The following ITK variants were observed in gnomAD, a reference collection of about 807,000 sequenced individuals.
The protein encoded by ITK is tyrosine-protein kinase ITK/TSK.
Under a neutral mutation model 87.6 loss-of-function variants are expected in ITK, and 45 were observed. The observed-to-expected ratio is 0.51, with a 90% confidence interval of 0.40 to 0.66. The LOEUF is 0.66. ITK is among the 30% of genes least tolerant of loss of function. ITK has a pLI of 0.00. For missense variants in ITK, 605 were observed against 766.3 expected (o/e 0.79, Z 2.48); for synonymous variants, 303 against 273.6 (o/e 1.11, Z -1.06).
chr5:157,240,080 A>C lies in ITK; in HGVS notation c.870A>C (p.Ile290=), dbSNP rs1486925447. The change falls in exon 10 of 17, where the codon ATA becomes ATC. Residue 290 remains isoleucine (I), a synonymous_variant. Transcript: ENST00000422843. ...GTTTAAGTGAGAACAATCCCTGTAT[A>C]AAGCATTATCACATCAAGGAAACAA... ...KAVVSENNPC[I]KHYHIKETND... 6.2e-7 allele frequency: 1 copy of C among 1,611,482 alleles called. No homozygotes were observed. The highest frequency in any genetic ancestry group is 1.1e-5 in the South Asian group (1 of 91,040).
chr5:157,230,418 G>A (rs372499023), intron 7 of ITK, among the ~76,000 whole-genome samples: 1 of 152,110 alleles, frequency 6.6e-6, no homozygotes, highest in Non-Finnish European at 1.5e-5. Flanking sequence ...ACCTATTAAC[G>A]CATTAGGGTT....
intron 13 of ITK, chr5:157,245,507 T>C (rs1755002918): frequency 1.6e-6 from 1 of 613,778 alleles, no homozygotes; most frequent in East Asian, 2.8e-5. Flanking sequence ...AGAATGAAGA[T>C]AAACTTACTC....
intron 5 of ITK, among the ~76,000 whole-genome samples, chr5:157,222,033 A>G (rs1323449832): frequency 1.3e-5 from 2 of 152,030 alleles, no homozygotes; most frequent in Non-Finnish European, 2.9e-5. Flanking sequence ...GACATACTAC[A>G]TCAAAATGAC....
At chr5:157,248,468 T>C (rs1161145139) in intron 15 of ITK, among the ~76,000 whole-genome samples, 1 of 152,124 alleles carries the variant, frequency 6.6e-6, no homozygotes, top group Non-Finnish European at 1.5e-5. Context: ...TTGGTTGGAG[T>C]CAAATCATAG....
chr5:157,185,971 T>C (rs1392092994), intron 1 of ITK, among the ~76,000 whole-genome samples: 4 of 152,148 alleles, frequency 2.6e-5, no homozygotes, highest in Admixed American at 1.3e-4. Context: ...TCCAACACTG[T>C]GCAAAAATGT....
At position 157,254,907 on chromosome 5, in the gene ITK, T is replaced by C. The variant is rs1755220813; in HGVS notation, c.*2229T>C. The C allele has an allele frequency of 4.7e-6, 1 of 214,992 alleles. No individual in the cohort carries two copies. The highest frequency in any genetic ancestry group is 5.8e-5 in the Admixed American group (1 of 17,136). The allele number at this position is 214,992 out of a possible 1,614,324, so 13.3% of individuals were successfully genotyped here. On this transcript the variant is annotated 3_prime_UTR_variant, in exon 17 of 17. Coordinates refer to ENST00000422843, the MANE Select transcript of ITK (RefSeq NM_005546.4). ...CCCGCAAAATGGGCTTCCTGCCTGG[T>C]TTTTCTCTTCTCACATTTTTTAAAT...
At chr5:157,206,007 G>C (rs950911501) in intron 1 of ITK, among the ~76,000 whole-genome samples, 3 of 107,884 alleles carry the variant, frequency 2.8e-5, no homozygotes, top group African/African-American at 1.1e-4. Context: ...AGTCAGTATT[G>C]CTCTGTCACC....
rs1161396558 is a variant in ITK at position 157,248,922 on chromosome 5, A to G, written c.1706A>G (p.Glu569Gly). 1 of 1,613,948 alleles carries G rather than the reference A, an allele frequency of 6.2e-7. No individual in the cohort carries two copies. Among genetic ancestry groups the G allele is most frequent in the South Asian group, 1.1e-5 (1 of 91,076 alleles). ...AACCGAAGCAACTCAGAGGTGGTGG[A>G]AGACATCAGTACCGGATTTCGGTTG... ...YENRSNSEVVEDISTGFRLYK... is the reference protein window; with the variant it reads ...YENRSNSEVVGDISTGFRLYK... Residue 569 changes from glutamate to glycine, a missense_variant, in exon 16 of 17, where the codon GAA (glutamate) becomes GGA (glycine). This residue lies in a region of ITK where 71 missense variants were observed against 65.8 expected (regional missense o/e 1.08). Transcript: ENST00000422843.
chr5:157,244,231 G>C (rs1754973422), intron 12 of ITK, 31 bp from the exon 13 acceptor site: 1 of 1,565,722 alleles, frequency 6.4e-7, no homozygotes, highest in East Asian at 2.2e-5. Context: ...ACTGAGTTTA[G>C]GCCATCTCAC....
At chr5:157,228,643 AT>A (rs397766372) in intron 7 of ITK, among the ~76,000 whole-genome samples, 23 of 148,930 alleles carry the variant, frequency 1.5e-4, no homozygotes, top group Admixed American at 3.4e-4. Flanking sequence ...TTCTTCTTTA[AT>A]TTTTTTTTTT....
chr5:157,184,567 G>A (rs2113734700), intron 1 of ITK, among the ~76,000 whole-genome samples: 1 of 152,290 alleles, frequency 6.6e-6, no homozygotes, highest in South Asian at 2.1e-4. Flanking sequence ...GGAAGAGGCA[G>A]CCTAAATGGG....
In ITK at chr5:157,217,908, G is replaced by A; in HGVS notation, c.495+1G>A. The A allele has an allele frequency of 6.2e-7, 1 of 1,613,660 alleles. No homozygotes were observed. On this transcript the variant is annotated splice_donor_variant, in intron 5 of 16. Transcript: ENST00000422843. LOFTEE classifies it high-confidence loss of function. ...TCCTCCTACTCCTGAAGACAACAGG[G>A]TGAGTGAGAGCGCTAGCTCCGGGTG...
chr5:157,242,546 G>T (rs1199075999), intron 11 of ITK, among the ~76,000 whole-genome samples: 1 of 152,086 alleles, frequency 6.6e-6, no homozygotes, highest in Non-Finnish European at 1.5e-5. Context: ...CGTAATCATG[G>T]CTCACTGCTG....
intron 1 of ITK, among the ~76,000 whole-genome samples, chr5:157,198,909 T>C (rs972180787): frequency 1.3e-5 from 2 of 152,096 alleles, no homozygotes; most frequent in Non-Finnish European, 2.9e-5. Context: ...ACTACGGGCA[T>C]GTGCCACCAC....
chr5:157,191,084 C>T (rs1753743881), intron 1 of ITK, among the ~76,000 whole-genome samples: 1 of 152,096 alleles, frequency 6.6e-6, no homozygotes, highest in African/African-American at 2.4e-5. Context: ...TGTAGTGTCC[C>T]ATCCTACGAG....
chr5:157,246,101 A>C, intron 15 of ITK, 102 bp downstream of exon 15: 1 of 853,904 alleles, frequency 1.2e-6, no homozygotes, highest in Non-Finnish European at 2.0e-6. Context: ...ACCCTGTATC[A>C]TATCATGAGG....
Position 157,244,488 on chromosome 5 carries a change from T to C in ITK, c.1449+10T>C, listed in dbSNP as rs1580908781. The stretch of plus-strand genomic sequence containing the variant: ...CATCCACAGAGACTTGGTATGAGCA[T>C]GCAGGGTGAACACCCACAGGTCCAG... On this transcript the variant is annotated intron_variant, in intron 13 of 16. Coordinates refer to ENST00000422843, the MANE Select transcript of ITK (RefSeq NM_005546.4). The C allele has an allele frequency of 6.5e-6, 10 of 1,531,132 alleles. No individual in the cohort carries two copies. Among genetic ancestry groups the C allele is most frequent in the Non-Finnish European group, 9.1e-6 (10 of 1,104,208 alleles). 94.8% of individuals were successfully genotyped at this position (1,531,132 alleles called of 1,614,324 possible). A position where few individuals can be genotyped will look rare whatever the true frequency, so the allele number is the denominator to read the frequency against.
intron 16 of ITK, among the ~76,000 whole-genome samples, chr5:157,251,374 A>T (rs183110144): frequency 1.3e-5 from 2 of 152,090 alleles, no homozygotes; most frequent in African/African-American, 4.8e-5. Flanking sequence ...GAGTTTTAAG[A>T]GTTCTTTGTA....
At chr5:157,212,229 G>A (rs977977774) in intron 3 of ITK, among the ~76,000 whole-genome samples, 2 of 152,128 alleles carry the variant, frequency 1.3e-5, no homozygotes, top group African/African-American at 4.8e-5. Context: ...AGAAAGCCCT[G>A]GATCAATGTT....
Sources: gnomAD v4.1 joint callset for allele counts (sites outside exome capture counted in the v4.1 genomes callset) on GRCh38, gnomAD v4.1.1 for gene constraint, gnomAD v4.1.1 regional missense constraint, MANE v1.5 for transcripts, NCBI Gene and HGNC (gene_info 2026-07-23, HGNC 2026-07-21) for gene names.